The following IFNLR1 variants were observed in gnomAD, a reference collection of about 807,000 sequenced individuals.
IFNLR1 encodes CRF2-12.
IFNLR1 carries 28 observed loss-of-function variants against 52.5 expected under a neutral mutation model. That is an observed-to-expected ratio of 0.53 (90% confidence interval 0.40 to 0.73). The LOEUF is 0.73. IFNLR1 is among the 30% of genes least tolerant of loss of function. The probability of loss-of-function intolerance (pLI) is 0.00; values close to 1 mark genes in which losing one functional copy is unlikely to be tolerated. For missense variants in IFNLR1, 623 were observed against 659.1 expected (o/e 0.95, Z 0.60); for synonymous variants, 276 against 274.9 (o/e 1.00, Z -0.04).
At chr1:24,158,726 G>T (rs1446708746) in intron 6 of IFNLR1, among the ~76,000 whole-genome samples, 1 of 152,122 alleles carries the variant, frequency 6.6e-6, no homozygotes, top group Non-Finnish European at 1.5e-5. Flanking sequence ...TGTCCCCTTT[G>T]GTGCCTCCTC....
At chr1:24,182,303 C>A (rs1055089527) in intron 1 of IFNLR1, among the ~76,000 whole-genome samples, 17 of 152,236 alleles carry the variant, frequency 1.1e-4, no homozygotes, top group African/African-American at 4.1e-4. Flanking sequence ...CACTCTGCTA[C>A]TGGAACCCTA....
intron 3 of IFNLR1, among the ~76,000 whole-genome samples, chr1:24,163,036 CT>C (rs1480912678): frequency 1.4e-5 from 2 of 142,592 alleles, no homozygotes; most frequent in Non-Finnish European, 3.0e-5. Flanking sequence ...TCTCAGCTCA[CT>C]GCAACCTCTG....
chr1:24,171,368 C>T (rs1644577915), intron 2 of IFNLR1, among the ~76,000 whole-genome samples: 1 of 152,188 alleles, frequency 6.6e-6, no homozygotes, highest in Non-Finnish European at 1.5e-5. Flanking sequence ...AAAATATTAA[C>T]ACAAAGCAAT....
intron 2 of IFNLR1, among the ~76,000 whole-genome samples, chr1:24,174,490 T>C (rs763681759): frequency 9.2e-5 from 14 of 152,112 alleles, no homozygotes; most frequent in Non-Finnish European, 1.6e-4. Context: ...AATATAGACA[T>C]TAAAGGTGAT....
intron 1 of IFNLR1, among the ~76,000 whole-genome samples, chr1:24,185,915 C>T (rs1007053373): frequency 3.3e-5 from 5 of 152,208 alleles, no homozygotes; most frequent in Non-Finnish European, 7.3e-5. Flanking sequence ...ATGGAAAGGG[C>T]GCTAGGCTCA....
Position 24,169,489 on chromosome 1 carries a change from G to A in IFNLR1, c.295C>T (p.Arg99Cys), listed in dbSNP as rs375741486. 1.6e-5 allele frequency: 26 copies of A among 1,614,042 alleles called. No homozygotes were observed. The highest frequency in any genetic ancestry group is 6.6e-5 in the South Asian group (6 of 91,086). ...GAGCTGGGAGAAACCGTCCGCACGC[G>A]TCCCTTGAACTTGTTGTACAGGTCC... ...KQDLYNKFKG[R>C]VRTVSPSSKS... Residue 99 changes from arginine (R) to cysteine (C), a missense_variant, in exon 3 of 7, where the codon CGC (arginine) becomes TGC (cysteine). Coordinates refer to ENST00000327535, the MANE Select transcript of IFNLR1 (RefSeq NM_170743.4).
At chr1:24,169,103 A>G (rs1644550903) in intron 3 of IFNLR1, among the ~76,000 whole-genome samples, 1 of 152,250 alleles carries the variant, frequency 6.6e-6, no homozygotes, top group South Asian at 2.1e-4. Context: ...AATAGGAATA[A>G]GCATATAAAG....
chr1:24,181,921 G>A (rs986214588), intron 1 of IFNLR1, among the ~76,000 whole-genome samples: 5 of 152,148 alleles, frequency 3.3e-5, no homozygotes, highest in South Asian at 2.1e-4. Context: ...TTCATGGGCC[G>A]GGCGCAGTGG....
chr1:24,159,356 A>G (rs1363569129), intron 5 of IFNLR1, 118 bp downstream of exon 5: 7 of 1,241,690 alleles, frequency 5.6e-6, no homozygotes, highest in Non-Finnish European at 6.9e-6. Flanking sequence ...AAGACACACA[A>G]TGAGTGTGGT....
Position 24,159,726 on chromosome 1 carries a change from G to GTTTTGTTT in IFNLR1, c.511-94_511-93insAAACAAAA, listed in dbSNP as rs1553161946. ...GTGGGGTTGGCAGACATGGTAGGGTGTTTTTTTTTTGTTTTTTTTTTTTGT... is the reference window on the plus strand; with the variant it reads ...GTGGGGTTGGCAGACATGGTAGGGTGTTTTGTTTTTTTTTTTTTGTTTTTTTTTTTTGT... On this transcript the variant is annotated intron_variant, in intron 4 of 6. Coordinates refer to ENST00000327535, the MANE Select transcript of IFNLR1 (RefSeq NM_170743.4). The GTTTTGTTT allele has an allele frequency of 1.0e-5, 8 of 762,684 alleles. No individual in the cohort carries two copies. The East Asian group carries it at 1.6e-4, about 15-fold the overall frequency. The allele number at this position is 762,684 out of a possible 1,614,324, so 47.2% of individuals were successfully genotyped here.
At chr1:24,180,371 T>C (rs3897440) in intron 2 of IFNLR1, among the ~76,000 whole-genome samples, 70,096 of 151,396 alleles carry the variant, frequency 0.46, 17,521 homozygotes, top group African/African-American at 0.65. Flanking sequence ...GCTCCTCTGC[T>C]GTGTACCTAG....
intron 4 of IFNLR1, 59 bp downstream of exon 4, chr1:24,161,483 C>A (rs1481984358): frequency 6.5e-7 from 1 of 1,547,476 alleles, no homozygotes. Context: ...TGAGAAGAAC[C>A]TGAGTAAGAA....
At chr1:24,162,804 T>TCC (rs1644466909) in intron 3 of IFNLR1, among the ~76,000 whole-genome samples, 1 of 68,158 alleles carries the variant, frequency 1.5e-5, no homozygotes, top group Non-Finnish European at 3.1e-5. Flanking sequence ...TTCTTTCTTT[T>TCC]TTCTTTCTTT....
Position 24,156,890 on chromosome 1 carries a change from C to T in IFNLR1, c.*240G>A. On this transcript the variant is annotated 3_prime_UTR_variant, in exon 7 of 7. Transcript: ENST00000327535. ...GTGATGACACCCCACCAACCTCTGA[C>T]CTCAGCCCACCCTGTGTCCACCCCT... 1.8e-6 allele frequency: 1 copy of T among 553,956 alleles called. No homozygotes were observed. Among genetic ancestry groups the T allele is most frequent in the Non-Finnish European group, 3.2e-6 (1 of 314,646 alleles). The allele number at this position is 553,956 out of a possible 1,614,324, so 34.3% of individuals were successfully genotyped here.
At chr1:24,175,652 G>A (rs1167420845) in intron 2 of IFNLR1, among the ~76,000 whole-genome samples, 4 of 152,194 alleles carry the variant, frequency 2.6e-5, no homozygotes, top group Non-Finnish European at 5.9e-5. Flanking sequence ...TTTGGGGCTA[G>A]CCAGGTGCAG....
rs575575280 is a variant in IFNLR1, at chr1:24,157,206, G to C, written c.1487C>G (p.Ala496Gly). The change falls in exon 7 of 7, where the codon GCG becomes GGG. Residue 496 changes from alanine to glycine, a missense_variant. Ala to Gly is a moderately conservative substitution (Grantham distance 60, BLOSUM62 0). Coordinates refer to ENST00000327535, the MANE Select transcript of IFNLR1 (RefSeq NM_170743.4). This position sits in a 1 kb window ranked among gnomAD's most constrained non-coding sequence, Gnocchi z 5.1. The part of the protein sequence containing the change: ...ARESEIEDSD[A>G]GSWGAESTQR... ...GGTGCTCTCAGCCCCCCAGCTGCCCGCATCGCTGTCCTCAATTTCTGATTC... is the reference window on the plus strand; with the variant it reads ...GGTGCTCTCAGCCCCCCAGCTGCCCCCATCGCTGTCCTCAATTTCTGATTC... 1.9e-6 allele frequency: 3 copies of C among 1,614,134 alleles called. No homozygotes were observed. Among genetic ancestry groups the C allele is most frequent in the South Asian group, 2.2e-5 (2 of 91,078 alleles).
rs1383333890 is a variant in IFNLR1 at position 24,157,817 on chromosome 1, GA to G, written c.875del (p.Leu292ProfsTer7). 1 of 1,613,872 alleles carries G rather than the reference GA, an allele frequency of 6.2e-7. No individual in the cohort carries two copies. The highest frequency in any genetic ancestry group is 8.5e-7 in the Non-Finnish European group (1 of 1,179,956). On this transcript the variant is annotated frameshift_variant, in exon 7 of 7. Transcript: ENST00000327535. LOFTEE classifies it high-confidence loss of function. The surrounding 1 kb of genome is among the most constrained non-coding windows in gnomAD (Gnocchi z 5.1). The part of the protein sequence containing the change: ...SRPESVNDLF[L>X]CPQKELTRGV... ...CTCTGGTCAGTTCCTTTTGGGGACAGAGGAACAAGTCATTCACGGACTCTGG... is the reference window on the plus strand; with the variant it reads ...CTCTGGTCAGTTCCTTTTGGGGACAGGGAACAAGTCATTCACGGACTCTGG...
intron 3 of IFNLR1, among the ~76,000 whole-genome samples, chr1:24,164,759 C>CT (rs61550265): frequency 3.4e-3 from 482 of 140,536 alleles, no homozygotes; most frequent in African/African-American, 5.4e-3. Flanking sequence ...GGAGCAATCT[C>CT]TTTTTTTTTT....
At chr1:24,180,618 C>T (rs1644679742) in intron 2 of IFNLR1, 113 bp downstream of exon 2, 1 of 1,050,110 alleles carries the variant, frequency 9.5e-7, no homozygotes, top group Non-Finnish European at 1.4e-6. Flanking sequence ...CCGTAGGGCC[C>T]AGAGAGCTAG....
Sources: gnomAD v4.1 joint callset for allele counts (sites outside exome capture counted in the v4.1 genomes callset) on GRCh38, gnomAD v4.1.1 for gene constraint, Gnocchi (gnomAD v3.1) non-coding constraint, MANE v1.5 for transcripts, NCBI Gene and HGNC (gene_info 2026-07-23, HGNC 2026-07-21) for gene names.